ERFE: variants seen among roughly 807,000 people sequenced by gnomAD.
The protein encoded by ERFE is erythroferrone.
A neutral mutation model predicts 26.6 loss-of-function variants in ERFE; 25 were observed. The ratio of observed to expected loss-of-function variants is 0.94; its 90% CI spans 0.69 to 1.31. The LOEUF (loss-of-function observed/expected upper bound fraction) is 1.31. ERFE is among the 40% of genes most tolerant of loss of function. The probability of loss-of-function intolerance (pLI) is 0.00; values close to 1 mark genes in which losing one functional copy is unlikely to be tolerated. For synonymous variants in ERFE, 206 were observed against 204.5 expected, an observed-to-expected ratio of 1.01 and a Z score of -0.06; for missense variants, 447 against 440.2, an observed-to-expected ratio of 1.02 and a Z score of -0.14.
At chr2:238,160,140 G>A (rs1014289690) in intron 1 of ERFE, among the ~76,000 whole-genome samples, 1 of 152,222 alleles carries the variant, frequency 6.6e-6, no homozygotes, top group Admixed American at 6.5e-5. Flanking sequence ...GGGCTCAGGG[G>A]CTTCCAGGTG....
At chr2:238,160,354 C>T (rs984824272) in intron 1 of ERFE, among the ~76,000 whole-genome samples, 2 of 152,196 alleles carry the variant, frequency 1.3e-5, no homozygotes, top group Admixed American at 6.5e-5. Flanking sequence ...GGTCAGGGTC[C>T]GGCCACAGGC....
At chr2:238,165,808 G>A (rs1693025565) in intron 7 of ERFE, 124 bp downstream of exon 7, 3 of 865,088 alleles carry the variant, frequency 3.5e-6, no homozygotes, top group Non-Finnish European at 5.4e-6. Flanking sequence ...TCAGACTCCA[G>A]GCCTGGGAGA....
rs1260268717 is a variant in ERFE, at chr2:238,167,016, A to G, written c.1027A>G (p.Ser343Gly). 1.9e-6 allele frequency: 3 copies of G among 1,550,548 alleles called. No individual in the cohort carries two copies. The African/African-American group carries it at 4.1e-5, about 21-fold the overall frequency. ...NASGCSLTVR[S>G]GSHFSAVLLG... ...CAGCGGCTGCTCCCTCACAGTGCGC[A>G]GTGGCTCCCACTTCAGTGCTGTCCT... is the stretch of plus-strand genomic sequence containing the variant. The change falls in exon 8 of 8, where the codon AGT becomes GGT. Residue 343 changes from serine to glycine, a missense_variant. By Grantham distance (56) the Ser-to-Gly change is moderately conservative. Transcript: ENST00000546354.
Position 238,167,380 on chromosome 2 carries a change from T to G in ERFE, c.*326T>G. The G allele has an allele frequency of 1.7e-6, 1 of 597,388 alleles. No homozygotes were observed. The highest frequency in any genetic ancestry group is 1.5e-5 in the South Asian group (1 of 65,904). The allele number at this position is 597,388 out of a possible 1,614,324, so 37.0% of individuals were successfully genotyped here. ...CTGGCCTGCTCAGCACCTGCCCAGA[T>G]GGCCTCTGCGTCTTTCCTGTGCCCA... is the stretch of plus-strand genomic sequence containing the variant. On this transcript the variant is annotated 3_prime_UTR_variant, in exon 8 of 8. Coordinates refer to ENST00000546354, the MANE Select transcript of ERFE (RefSeq NM_001291832.2).
At chr2:238,159,254 G>A (rs1692901455) in intron 1 of ERFE, 49 bp downstream of exon 1, 2 of 192,530 alleles carry the variant, frequency 1.0e-5, no homozygotes, top group Non-Finnish European at 1.0e-5. Context: ...CGCACGCCCC[G>A]GCTCGGGGCG....
chr2:238,162,842 G>A lies in ERFE; in HGVS notation c.424+4G>A. 1 of 1,549,218 alleles carries A rather than the reference G, an allele frequency of 6.5e-7. No individual in the cohort carries two copies. Among genetic ancestry groups the A allele is most frequent in the Non-Finnish European group, 8.7e-7 (1 of 1,146,066 alleles). On this transcript the variant is annotated splice_donor_region_variant and intron_variant, in intron 3 of 7. Coordinates refer to ENST00000546354, the MANE Select transcript of ERFE (RefSeq NM_001291832.2). ...GAGTTCCAGCTGCTGCTGAAAGGTA[G>A]GGGTGTGCACCGGCTGGGACACACA...
chr2:238,162,714 C>A lies in ERFE; in HGVS notation c.322-22C>A, dbSNP rs1692956657. The stretch of plus-strand genomic sequence containing the variant: ...TCCCAGCCTGCTCCTCACATGTCCT[C>A]ACTGCCAAGGTTCCCTTTCAGTTCG... On this transcript the variant is annotated intron_variant, in intron 2 of 7. Coordinates refer to ENST00000546354, the MANE Select transcript of ERFE (RefSeq NM_001291832.2). The A allele has an allele frequency of 2.7e-6, 4 of 1,470,004 alleles. No homozygotes were observed. In the African/African-American group the frequency reaches 4.2e-5, roughly 15 times the overall value. The allele number at this position is 1,470,004 out of a possible 1,614,324, so 91.1% of individuals were successfully genotyped here. A position where few individuals can be genotyped will look rare whatever the true frequency, so the allele number is the denominator to read the frequency against.
Position 238,167,027 on chromosome 2 carries a change from C to G in ERFE, c.1038C>G (p.His346Gln). 1 of 1,550,526 alleles carries G rather than the reference C, an allele frequency of 6.4e-7. No homozygotes were observed. The highest frequency in any genetic ancestry group is 8.7e-7 in the Non-Finnish European group (1 of 1,146,990). ...CCCTCACAGTGCGCAGTGGCTCCCA[C>G]TTCAGTGCTGTCCTCCTGGGCGTGT... ...GCSLTVRSGS[H>Q]FSAVLLGV Residue 346 changes from histidine (H) to glutamine (Q), a missense_variant, in exon 8 of 8, where the codon CAC (histidine) becomes CAG (glutamine). His to Gln is a conservative substitution (Grantham distance 24). Coordinates refer to ENST00000546354, the MANE Select transcript of ERFE (RefSeq NM_001291832.2).
chr2:238,159,003 CCCG>C lies in ERFE; in HGVS notation c.-3_-1del, dbSNP rs1216053180. 4.3e-5 allele frequency: 11 copies of C among 253,566 alleles called. No homozygotes were observed. The highest frequency in any genetic ancestry group is 8.2e-5 in the Non-Finnish European group (11 of 134,924). The allele number at this position is 253,566 out of a possible 1,614,324, so 15.7% of individuals were successfully genotyped here. ...GCTCGGAGCCGCGAGGGAACCGCCG[CCCG>C]CATGGCCCCGGCCCGCCGCCCCGCC... On this transcript the variant is annotated 5_prime_UTR_variant, in exon 1 of 8. Coordinates refer to ENST00000546354, the MANE Select transcript of ERFE (RefSeq NM_001291832.2).
chr2:238,166,033 G>A (rs1156331335), intron 7 of ERFE, among the ~76,000 whole-genome samples: 3 of 152,250 alleles, frequency 2.0e-5, no homozygotes, highest in African/African-American at 7.2e-5. Flanking sequence ...CTGGTGCAGG[G>A]AGGGAATGGA....
In ERFE at chr2:238,167,834, C is replaced by A; in HGVS notation, c.*780C>A. On this transcript the variant is annotated 3_prime_UTR_variant, in exon 8 of 8. Transcript: ENST00000546354. Reference sequence around the variant, plus strand: ...CAGCCAAGGCCCCTTCCACCCTCTCCAGAGGTGGATGAGATCCCTTTTCCC... The same window carrying A: ...CAGCCAAGGCCCCTTCCACCCTCTCAAGAGGTGGATGAGATCCCTTTTCCC... 4.2e-6 allele frequency: 1 copy of A among 237,000 alleles called. No homozygotes were observed. Among genetic ancestry groups the A allele is most frequent in the Non-Finnish European group, 8.5e-6 (1 of 118,124 alleles). The allele number at this position is 237,000 out of a possible 1,614,324, so 14.7% of individuals were successfully genotyped here.
intron 1 of ERFE, 125 bp from the exon 2 acceptor site, chr2:238,161,469 C>T (rs1199509855): frequency 1.0e-5 from 13 of 1,261,258 alleles, no homozygotes; most frequent in Non-Finnish European, 1.3e-5. Flanking sequence ...TTGAGGGCAC[C>T]ACAGGTGACA....
intron 1 of ERFE, among the ~76,000 whole-genome samples, chr2:238,160,978 G>A (rs1401707371): frequency 3.9e-5 from 6 of 152,248 alleles, no homozygotes; most frequent in South Asian, 2.1e-4. Flanking sequence ...CTGTCCATGT[G>A]TCAGTGTCTC....
Position 238,164,001 on chromosome 2 carries a change from T to C in ERFE, c.687+2T>C. 1.4e-6 allele frequency: 2 copies of C among 1,381,294 alleles called. No homozygotes were observed. Among genetic ancestry groups the C allele is most frequent in the Non-Finnish European group, 1.9e-6 (2 of 1,074,774 alleles). 85.6% of individuals were successfully genotyped at this position (1,381,294 alleles called of 1,614,324 possible). A position where few individuals can be genotyped will look rare whatever the true frequency, so the allele number is the denominator to read the frequency against. ...CACGAGCTTGGCGTCTACTACCTGGTGAGTGCCGGCGCGCGGGAGGGCGGG... is the reference window on the plus strand; with the variant it reads ...CACGAGCTTGGCGTCTACTACCTGGCGAGTGCCGGCGCGCGGGAGGGCGGG... On this transcript the variant is annotated splice_donor_variant, in intron 4 of 7. Coordinates refer to ENST00000546354, the MANE Select transcript of ERFE (RefSeq NM_001291832.2). LOFTEE classifies it high-confidence loss of function.
intron 6 of ERFE, 117 bp downstream of exon 6, chr2:238,164,477 G>A: frequency 1.0e-6 from 1 of 984,716 alleles, no homozygotes; most frequent in Non-Finnish European, 1.5e-6. Context: ...CGTGGCCTAG[G>A]TGACCCCACA....
Position 238,164,015 on chromosome 2 carries a change from C to T in ERFE, c.687+16C>T. 7.3e-7 allele frequency: 1 copy of T among 1,373,076 alleles called. No individual in the cohort carries two copies. Among genetic ancestry groups the T allele is most frequent in the Non-Finnish European group, 9.3e-7 (1 of 1,070,016 alleles). 85.1% of individuals were successfully genotyped at this position (1,373,076 alleles called of 1,614,324 possible). A position where few individuals can be genotyped will look rare whatever the true frequency, so the allele number is the denominator to read the frequency against. The stretch of plus-strand genomic sequence containing the variant: ...CTACTACCTGGTGAGTGCCGGCGCG[C>T]GGGAGGGCGGGTGAGTCCGGCCGGG... On this transcript the variant is annotated intron_variant, in intron 4 of 7. Transcript: ENST00000546354.
Position 238,163,908 on chromosome 2 carries a change from C to CGCCGCGCGT in ERFE, c.598_606dup (p.Pro200_Val202dup), listed in dbSNP as rs1247842093. The CGCCGCGCGT allele has an allele frequency of 1.5e-4, 200 of 1,322,628 alleles. No individual in the cohort carries two copies. The highest frequency in any genetic ancestry group is 4.2e-4 in the South Asian group (19 of 45,494). 81.9% of individuals were successfully genotyped at this position (1,322,628 alleles called of 1,614,324 possible). A position where few individuals can be genotyped will look rare whatever the true frequency, so the allele number is the denominator to read the frequency against. On this transcript the variant is annotated inframe_insertion, in exon 4 of 8. Coordinates refer to ENST00000546354, the MANE Select transcript of ERFE (RefSeq NM_001291832.2). ...GCGCCCCTGGCCCCGGGGCCGCGGG[C>CGCCGCGCGT]GCCGCGCGTGGAGGCCGCTTTCCTC...
Position 238,164,140 on chromosome 2 carries a change from G to T in ERFE, c.753G>T (p.Ala251=), listed in dbSNP as rs1344183240. Residue 251 remains alanine (A), a synonymous_variant, in exon 5 of 8, where the codon GCG becomes GCT. Transcript: ENST00000546354. The part of the protein sequence containing the change: ...GLNLTSGQYR[A]PVAGFYALAA... ...ACTTGACCAGCGGCCAGTACAGGGCGCCCGTGGCTGGCTTCTACGCTCTCG... is the reference window on the plus strand; with the variant it reads ...ACTTGACCAGCGGCCAGTACAGGGCTCCCGTGGCTGGCTTCTACGCTCTCG... The T allele has an allele frequency of 6.8e-7, 1 of 1,460,192 alleles. No homozygotes were observed. Among genetic ancestry groups the T allele is most frequent in the Admixed American group, 2.5e-5 (1 of 40,128 alleles). 90.5% of individuals were successfully genotyped at this position (1,460,192 alleles called of 1,614,324 possible).
intron 1 of ERFE, among the ~76,000 whole-genome samples, chr2:238,159,620 C>A: frequency 6.6e-6 from 1 of 152,222 alleles, no homozygotes; most frequent in East Asian, 1.9e-4. Flanking sequence ...TGTTTTCCTG[C>A]GGATCTGGGG....
Sources: allele counts gnomAD v4.1 joint callset (sites outside exome capture counted in the v4.1 genomes callset), GRCh38; gene constraint gnomAD v4.1.1; transcripts MANE v1.5; gene names NCBI Gene and HGNC (gene_info 2026-07-23, HGNC 2026-07-21).